The following FSIP1 variants were observed in gnomAD, a reference collection of about 807,000 sequenced individuals.
FSIP1 encodes fibrous sheath-interacting protein 1.
A neutral mutation model predicts 60.9 loss-of-function variants in FSIP1; 65 were observed. The ratio of observed to expected loss-of-function variants is 1.07; its 90% confidence interval spans 0.87 to 1.31. FSIP1 has a LOEUF of 1.31. Ranked by LOEUF, FSIP1 falls within the 40% of genes most tolerant of loss-of-function variation. The probability of loss-of-function intolerance (pLI) is 0.00; values close to 1 mark genes in which losing one functional copy is unlikely to be tolerated. For missense variants in FSIP1, 675 were observed against 665.5 expected (o/e 1.01, Z -0.16); for synonymous variants, 209 against 221.2 (o/e 0.94, Z 0.49).
chr15:39,687,135 TC>T (rs377180964), intron 10 of FSIP1, among the ~76,000 whole-genome samples: 877 of 85,972 alleles, frequency 0.01, 256 homozygotes, highest in African/African-American at 0.036. Flanking sequence ...TCTTTTCTTT[TC>T]CTTTTTTTTT....
intron 11 of FSIP1, among the ~76,000 whole-genome samples, chr15:39,605,281 G>A (rs746244545): frequency 5.3e-5 from 8 of 152,000 alleles, no homozygotes; most frequent in Non-Finnish European, 7.4e-5. Flanking sequence ...TCCATCCCAG[G>A]AACTCTGATT....
In FSIP1 at chr15:39,634,588, C is replaced by G. The variant is rs550024096; in HGVS notation, c.1189-16343G>C. On this transcript the variant is annotated intron_variant, in intron 10 of 11. Transcript: ENST00000350221. ...ATGTAACTTTCTACTTTGATTTATC[C>G]AGCAATTTCATTTTTTGGCCAAGAA... Among the ~76,000 whole-genome samples the G allele has an allele frequency of 3.9e-5, 6 of 152,292 alleles. No homozygotes were observed. The East Asian group carries it at 7.7e-4, about 20-fold the overall frequency.
At chr15:39,751,128 G>T (rs576178577) in intron 5 of FSIP1, among the ~76,000 whole-genome samples, 10 of 151,900 alleles carry the variant, frequency 6.6e-5, no homozygotes, top group African/African-American at 2.4e-4. Flanking sequence ...ACAACTATTG[G>T]TGAGGGTGTG....
At chr15:39,719,302 A>T (rs1425489523) in intron 9 of FSIP1, among the ~76,000 whole-genome samples, 1 of 152,204 alleles carries the variant, frequency 6.6e-6, no homozygotes, top group Admixed American at 6.5e-5. Context: ...TGACCAACAT[A>T]TCATTTCTGT....
intron 5 of FSIP1, chr15:39,747,350 T>A (rs1897033787): frequency 6.6e-6 from 1 of 152,228 alleles, no homozygotes; most frequent in African/African-American, 2.4e-5. Flanking sequence ...ATCTGGACTT[T>A]TAGGCCTACC....
intron 10 of FSIP1, among the ~76,000 whole-genome samples, chr15:39,682,248 C>A (rs201868426): frequency 1.3e-5 from 2 of 152,100 alleles, no homozygotes; most frequent in East Asian, 3.9e-4. Flanking sequence ...ACACTAAAAT[C>A]ATTATGGTCT....
chr15:39,626,221 G>C (rs1050794014), intron 10 of FSIP1, among the ~76,000 whole-genome samples: 4 of 152,192 alleles, frequency 2.6e-5, no homozygotes, highest in African/African-American at 9.7e-5. Context: ...TACTTTGCTT[G>C]ATATCATCTA....
chr15:39,637,058 G>A (rs1892166804), intron 10 of FSIP1, among the ~76,000 whole-genome samples: 1 of 152,118 alleles, frequency 6.6e-6, no homozygotes, highest in South Asian at 2.1e-4. Flanking sequence ...CATTCTAGAA[G>A]TTCACAGATG....
At chr15:39,613,593 G>A (rs1024194492) in intron 11 of FSIP1, among the ~76,000 whole-genome samples, 1 of 151,972 alleles carries the variant, frequency 6.6e-6, no homozygotes, top group Non-Finnish European at 1.5e-5. Flanking sequence ...AAAGCCTTCT[G>A]AACTCATTTT....
At chr15:39,737,885 T>C (rs2140632772) in intron 8 of FSIP1, among the ~76,000 whole-genome samples, 1 of 152,252 alleles carries the variant, frequency 6.6e-6, no homozygotes, top group East Asian at 1.9e-4. Context: ...CCATGTGTTC[T>C]CATCATTTAG....
chr15:39,650,399 C>G (rs1179245687), intron 10 of FSIP1, among the ~76,000 whole-genome samples: 1 of 152,194 alleles, frequency 6.6e-6, no homozygotes, highest in Non-Finnish European at 1.5e-5. Context: ...CCTGTTACTT[C>G]TCTGTCTTCT....
intron 9 of FSIP1, among the ~76,000 whole-genome samples, chr15:39,722,315 G>A (rs1595661955): frequency 6.6e-6 from 1 of 151,940 alleles, no homozygotes; most frequent in African/African-American, 2.4e-5. Context: ...ATTATGGTGA[G>A]TTGTATAATT....
At chr15:39,694,080 A>T (rs1324406980) in intron 10 of FSIP1, among the ~76,000 whole-genome samples, 3 of 152,226 alleles carry the variant, frequency 2.0e-5, no homozygotes, top group Admixed American at 6.5e-5. Context: ...AAATAAATTT[A>T]AAAACTGCAG....
intron 6 of FSIP1, 59 bp from the exon 7 acceptor site, chr15:39,739,848 T>G (rs775161841): frequency 9.1e-7 from 1 of 1,101,758 alleles, no homozygotes; most frequent in African/African-American, 1.6e-5. Flanking sequence ...ATGCTAAAAG[T>G]TCACTTTAAG....
In FSIP1 at chr15:39,617,998, G is replaced by C; in HGVS notation, c.1436C>G (p.Ser479Cys). The C allele has an allele frequency of 1.2e-6, 2 of 1,614,204 alleles. No individual in the cohort carries two copies. Among genetic ancestry groups the C allele is most frequent in the South Asian group, 2.2e-5 (2 of 91,084 alleles). The change falls in exon 11 of 12, where the codon TCT (serine) becomes TGT (cysteine). Residue 479 changes from serine (S) to cysteine (C), a missense_variant. Ser to Cys is a moderately radical substitution (Grantham distance 112, BLOSUM62 -1). Coordinates refer to ENST00000350221, the MANE Select transcript of FSIP1 (RefSeq NM_152597.5). ...DMLESEECEA[S>C]KGYYLTKALT... Reference sequence around the variant, plus strand: ...GGCTTTAGTGAGATAGTAGCCTTTAGAAGCTTCACATTCTTCACTCTCAAG... The same window carrying C: ...GGCTTTAGTGAGATAGTAGCCTTTACAAGCTTCACATTCTTCACTCTCAAG...
At chr15:39,716,503 G>A (rs929099343) in intron 9 of FSIP1, among the ~76,000 whole-genome samples, 2 of 152,080 alleles carry the variant, frequency 1.3e-5, no homozygotes, top group East Asian at 1.9e-4. Flanking sequence ...CCTACAACTC[G>A]ATAATAAAAA....
At chr15:39,642,266 C>A (rs1276268617) in intron 10 of FSIP1, among the ~76,000 whole-genome samples, 2 of 152,134 alleles carry the variant, frequency 1.3e-5, no homozygotes, top group African/African-American at 4.8e-5. Flanking sequence ...TTAATGGGAC[C>A]GAAGAGTCTT....
chr15:39,687,137 C>CTTTTTTTTTTTTTTTTTTT (rs386382788), intron 10 of FSIP1, among the ~76,000 whole-genome samples: 2 of 115,490 alleles, frequency 1.7e-5, no homozygotes, highest in Non-Finnish European at 3.4e-5. Flanking sequence ...TTTTCTTTTC[C>CTTTTTTTTTTTTTTTTTTT]TTTTTTTTTT....
chr15:39,738,294 T>C, intron 7 of FSIP1, 93 bp from the exon 8 acceptor site: 4 of 744,928 alleles, frequency 5.4e-6, no homozygotes, highest in Non-Finnish European at 4.3e-6. Context: ...ACACTACAGA[T>C]ACACAAAGAA....
Sources: allele counts gnomAD v4.1 joint callset (sites outside exome capture counted in the v4.1 genomes callset), GRCh38; gene constraint gnomAD v4.1.1; transcripts MANE v1.5; gene names NCBI Gene and HGNC (gene_info 2026-07-23, HGNC 2026-07-21).